Variants in RPF2 observed in about 807,000 individuals in gnomAD.
The protein encoded by RPF2 is brix domain containing 1.
Under a neutral mutation model 38.9 loss-of-function variants are expected in RPF2, and 21 were observed. The ratio of observed to expected loss-of-function variants is 0.54; its 90% CI spans 0.38 to 0.78. RPF2 has a LOEUF of 0.78. RPF2 is among the 30% of genes least tolerant of loss of function. RPF2 has a pLI of 0.00. For missense variants in RPF2, 314 were observed against 358.1 expected (o/e 0.88, Z 0.99); for synonymous variants, 121 against 126.2 (o/e 0.96, Z 0.28).
At chr6:110,983,307 C>T (rs1169408764) in intron 1 of RPF2, among the ~76,000 whole-genome samples, 1 of 152,052 alleles carries the variant, frequency 6.6e-6, no homozygotes, top group Non-Finnish European at 1.5e-5. Context: ...TCATATTTTA[C>T]AGGGTAATTG....
At chr6:111,019,262 C>T (rs964971567) in intron 8 of RPF2, among the ~76,000 whole-genome samples, 3 of 151,854 alleles carry the variant, frequency 2.0e-5, no homozygotes, top group African/African-American at 7.3e-5. Flanking sequence ...GCCTGTAATC[C>T]CAGCTACTTG....
intron 1 of RPF2, among the ~76,000 whole-genome samples, chr6:110,982,727 A>G (rs902674138): frequency 6.6e-6 from 1 of 152,196 alleles, no homozygotes; most frequent in Non-Finnish European, 1.5e-5. Context: ...TTTGGGCTAA[A>G]CAGCCCTGCT....
rs549548377 is a variant in RPF2, at chr6:110,984,792, A to G, written c.24-214A>G. On this transcript the variant is annotated intron_variant, in intron 1 of 9. Transcript: ENST00000441448. ...GAGGTGGATGTTGCAGTGAGCCAAGATTGTGCCATCACTCTCCAGCCTGGG... is the reference window on the plus strand; with the variant it reads ...GAGGTGGATGTTGCAGTGAGCCAAGGTTGTGCCATCACTCTCCAGCCTGGG... Among the ~76,000 whole-genome samples, 3 of 152,228 alleles carry G rather than the reference A, an allele frequency of 2.0e-5. No individual in the cohort carries two copies. In the East Asian group the frequency reaches 5.8e-4, roughly 29 times the overall value.
chr6:111,004,894 T>A (rs1319604609), intron 6 of RPF2, among the ~76,000 whole-genome samples: 2 of 152,212 alleles, frequency 1.3e-5, no homozygotes, highest in East Asian at 3.8e-4. Context: ...TAACTTTTAT[T>A]TGTCTTTGTA....
At chr6:110,999,256 A>G (rs943663472) in intron 5 of RPF2, among the ~76,000 whole-genome samples, 18 of 151,966 alleles carry the variant, frequency 1.2e-4, no homozygotes, top group Admixed American at 6.6e-4. Flanking sequence ...ATTGGGGGGG[A>G]AAATTATCCT....
At chr6:111,011,868 A>G (rs1396164564) in intron 7 of RPF2, among the ~76,000 whole-genome samples, 2 of 152,094 alleles carry the variant, frequency 1.3e-5, no homozygotes, top group Non-Finnish European at 2.9e-5. Context: ...TGGTGAGGGG[A>G]AGGGAGTGAA....
At position 111,015,715 on chromosome 6, in the gene RPF2, T is replaced by A. The variant is rs149831797; in HGVS notation, c.494-39T>A. 3.2e-4 allele frequency: 445 copies of A among 1,370,348 alleles called. No homozygotes were observed. In the East Asian group the frequency reaches 8.2e-3, roughly 25 times the overall value. 84.9% of individuals were successfully genotyped at this position (1,370,348 alleles called of 1,614,324 possible). A position where few individuals can be genotyped will look rare whatever the true frequency, so the allele number is the denominator to read the frequency against. On this transcript the variant is annotated intron_variant, in intron 7 of 9. Transcript: ENST00000441448. The stretch of plus-strand genomic sequence containing the variant: ...TCTTTGTAACTGAATTTTGCAAGTA[T>A]TTGTTTTGTTTTGTTAATAATTTAA...
At chr6:110,983,108 T>C (rs1341513273) in intron 1 of RPF2, among the ~76,000 whole-genome samples, 1 of 152,172 alleles carries the variant, frequency 6.6e-6, no homozygotes. Context: ...TCCATGGGAC[T>C]GGACGAGGGA....
intron 8 of RPF2, among the ~76,000 whole-genome samples, chr6:111,017,545 C>T (rs1258774262): frequency 6.7e-5 from 10 of 149,148 alleles, no homozygotes; most frequent in East Asian, 2.0e-4. Context: ...ACGGGGCGGC[C>T]GGGCAGAGAC....
intron 8 of RPF2, among the ~76,000 whole-genome samples, chr6:111,017,701 C>T (rs778141432): frequency 0.014 from 2,052 of 145,730 alleles, 51 homozygotes; most frequent in Middle Eastern, 0.043. Context: ...GGATGGCGGC[C>T]GGGAAGAGGC....
At chr6:111,014,756 C>G (rs1772078380) in intron 7 of RPF2, among the ~76,000 whole-genome samples, 1 of 152,216 alleles carries the variant, frequency 6.6e-6, no homozygotes, top group East Asian at 1.9e-4. Flanking sequence ...TTCCAAACTT[C>G]TTTCATAGCC....
At chr6:111,014,176 G>A (rs868149767) in intron 7 of RPF2, among the ~76,000 whole-genome samples, 10 of 148,534 alleles carry the variant, frequency 6.7e-5, no homozygotes, top group Non-Finnish European at 1.0e-4. Context: ...TCACACTGTC[G>A]CCCAGGCTGG....
intron 5 of RPF2, among the ~76,000 whole-genome samples, chr6:110,998,507 C>T (rs1009723810): frequency 1.3e-5 from 2 of 152,156 alleles, no homozygotes; most frequent in African/African-American, 4.8e-5. Flanking sequence ...CTGTGCCCGG[C>T]CTGATCTAAA....
At chr6:111,014,350 T>A (rs1772070628) in intron 7 of RPF2, among the ~76,000 whole-genome samples, 1 of 152,130 alleles carries the variant, frequency 6.6e-6, no homozygotes, top group South Asian at 2.1e-4. Context: ...GCCCCTATGG[T>A]CTTGATCTCC....
rs192374523 is a variant in RPF2 at position 111,020,490 on chromosome 6, A to C, written c.597-3693A>C. Among the ~76,000 whole-genome samples the C allele has an allele frequency of 2.4e-3, 360 of 152,356 alleles. 2 individuals are homozygous for C. The highest frequency in any genetic ancestry group is 3.9e-3 in the Admixed American group (60 of 15,302). ...TCGCAGAAAGTATTCACTTGTATTTAGTGAAAAGGGTTTATTTGTAAAGAA... is the reference window on the plus strand; with the variant it reads ...TCGCAGAAAGTATTCACTTGTATTTCGTGAAAAGGGTTTATTTGTAAAGAA... On this transcript the variant is annotated intron_variant, in intron 8 of 9. Coordinates refer to ENST00000441448, the MANE Select transcript of RPF2 (RefSeq NM_032194.3).
intron 8 of RPF2, among the ~76,000 whole-genome samples, chr6:111,018,436 G>C (rs1161638858): frequency 6.6e-6 from 1 of 152,216 alleles, no homozygotes; most frequent in Non-Finnish European, 1.5e-5. Context: ...TGACAGCTTG[G>C]TGTTGACAGT....
Position 110,982,081 on chromosome 6 carries a change from G to C in RPF2, c.-26G>C. 1 of 1,614,138 alleles carries C rather than the reference G, an allele frequency of 6.2e-7. No individual in the cohort carries two copies. Among genetic ancestry groups the C allele is most frequent in the Non-Finnish European group, 8.5e-7 (1 of 1,179,960 alleles). On this transcript the variant is annotated 5_prime_UTR_variant, in exon 1 of 10. Transcript: ENST00000441448. ...GCCGAGGGCACGTGCATGCCCCCTG[G>C]TTAAGAGTTGCAGGTAGCGGTAGCG...
intron 2 of RPF2, among the ~76,000 whole-genome samples, chr6:110,986,866 C>G (rs1583257317): frequency 6.6e-6 from 1 of 151,330 alleles, no homozygotes; most frequent in East Asian, 1.9e-4. Flanking sequence ...GCCGGAAAAT[C>G]TGCTTGGACC....
chr6:110,994,472 C>A (rs1437841057), intron 4 of RPF2, among the ~76,000 whole-genome samples: 1 of 151,594 alleles, frequency 6.6e-6, no homozygotes, highest in Non-Finnish European at 1.5e-5. Context: ...CAAGTGCTAA[C>A]TATCTGGGAG....
Sources: gnomAD v4.1 joint callset for allele counts (sites outside exome capture counted in the v4.1 genomes callset) on GRCh38, gnomAD v4.1.1 for gene constraint, MANE v1.5 for transcripts, NCBI Gene and HGNC (gene_info 2026-07-23, HGNC 2026-07-21) for gene names.